TFDP2: variants seen among roughly 807,000 people sequenced by gnomAD.
TFDP2 encodes transcription factor Dp-2.
TFDP2 carries 17 observed loss-of-function variants against 59.3 expected under a neutral mutation model. The ratio of observed to expected loss-of-function variants is 0.29; its 90% confidence interval spans 0.20 to 0.43. The LOEUF (loss-of-function observed/expected upper bound fraction) is 0.43. TFDP2 is among the 20% of genes least tolerant of loss of function. The pLI is 1.00. For missense variants in TFDP2, 391 were observed against 528.8 expected, an observed-to-expected ratio of 0.74 and a Z score of 2.56; for synonymous variants, 180 against 194.7, an observed-to-expected ratio of 0.92 and a Z score of 0.63.
intron 9 of TFDP2, among the ~76,000 whole-genome samples, chr3:141,965,576 G>GAAGGGGAAGGA (rs1413202668): frequency 2.3e-4 from 32 of 138,212 alleles, no homozygotes; most frequent in African/African-American, 6.0e-4. Flanking sequence ...AGGGGAAGGG[G>GAAGGGGAAGGA]AAGGGGAAGG....
intron 1 of TFDP2, among the ~76,000 whole-genome samples, chr3:142,110,241 C>T (rs531184647): frequency 6.6e-6 from 1 of 152,096 alleles, no homozygotes; most frequent in Non-Finnish European, 1.5e-5. Context: ...CGGTGGCTCA[C>T]GTCTGTAATC....
intron 3 of TFDP2, among the ~76,000 whole-genome samples, chr3:142,065,431 C>T (rs1208301527): frequency 2.0e-5 from 3 of 151,658 alleles, no homozygotes; most frequent in African/African-American, 2.4e-5. Context: ...GCTGGAATTA[C>T]AGGCGTGTAA....
At chr3:141,987,900 C>G (rs1382665756) in intron 6 of TFDP2, among the ~76,000 whole-genome samples, 2 of 148,408 alleles carry the variant, frequency 1.3e-5, no homozygotes, top group African/African-American at 5.1e-5. Flanking sequence ...GATTGTGCCA[C>G]TGCACTCCAG....
At chr3:141,974,907 C>CTTTTTTTTTTTTTTTTTT (rs753702830) in intron 7 of TFDP2, among the ~76,000 whole-genome samples, 10 of 90,500 alleles carry the variant, frequency 1.1e-4, no homozygotes, top group East Asian at 3.2e-4. Context: ...TCTTCTTCTT[C>CTTTTTTTTTTTTTTTTTT]TTTTTTTTTT....
chr3:142,101,680 A>G (rs1016662607), intron 2 of TFDP2, 55 bp downstream of exon 2: 19 of 1,190,222 alleles, frequency 1.6e-5, no homozygotes, highest in Non-Finnish European at 2.1e-5. Flanking sequence ...ATATGTAGGA[A>G]AAAGCACAGC....
rs148720191 is a variant in TFDP2, at chr3:142,002,914, C to A, written c.186+2527G>T. On this transcript the variant is annotated intron_variant, in intron 4 of 12. Transcript: ENST00000489671. Reference sequence around the variant, plus strand: ...TCCAGGATCAAGACACCAGCAAATTCAGAAGGCTCACTCTCTGCTTCATAG... The same window carrying A: ...TCCAGGATCAAGACACCAGCAAATTAAGAAGGCTCACTCTCTGCTTCATAG... 2.6e-5 allele frequency among the ~76,000 whole-genome samples: 4 copies of A among 152,152 alleles called. No homozygotes were observed. In the East Asian group the frequency reaches 7.7e-4, roughly 29 times the overall value.
At chr3:142,041,927 TA>T (rs1399517589) in intron 3 of TFDP2, among the ~76,000 whole-genome samples, 1 of 152,226 alleles carries the variant, frequency 6.6e-6, no homozygotes, top group South Asian at 2.1e-4. Flanking sequence ...ATTCTTCCAT[TA>T]AACTGTCTTT....
intron 3 of TFDP2, among the ~76,000 whole-genome samples, chr3:142,051,914 C>T (rs896669536): frequency 5.9e-5 from 9 of 151,626 alleles, no homozygotes; most frequent in African/African-American, 2.2e-4. Context: ...TTGCTTGAGC[C>T]CAAGAGTTCG....
chr3:141,990,382 C>A (rs753806659), intron 6 of TFDP2, among the ~76,000 whole-genome samples: 1 of 151,976 alleles, frequency 6.6e-6, no homozygotes, highest in Non-Finnish European at 1.5e-5. Flanking sequence ...TCAAGCGATT[C>A]TCTTGCCTCA....
intron 6 of TFDP2, among the ~76,000 whole-genome samples, chr3:141,984,957 G>A (rs1041621871): frequency 2.6e-5 from 4 of 151,774 alleles, no homozygotes; most frequent in Non-Finnish European, 5.9e-5. Flanking sequence ...TCCTTGTGGA[G>A]CAGGACTACC....
In TFDP2 at chr3:141,947,921, C is replaced by G. The variant is rs532750780; in HGVS notation, c.*4592G>C. The G allele has an allele frequency of 2.0e-5, 3 of 152,460 alleles. No homozygotes were observed. In the East Asian group the frequency reaches 5.8e-4, roughly 29 times the overall value. 9.4% of individuals were successfully genotyped at this position (152,460 alleles called of 1,614,324 possible). A position where few individuals can be genotyped will look rare whatever the true frequency, so the allele number is the denominator to read the frequency against. ...CCAAAGTAGCCTTTCCCAAACGGTC[C>G]CGCTACGCTGCTGCTTTCTCCACAG... is the stretch of plus-strand genomic sequence containing the variant. On this transcript the variant is annotated 3_prime_UTR_variant, in exon 13 of 13. Transcript: ENST00000489671.
At chr3:142,047,149 T>C (rs937860766) in intron 3 of TFDP2, among the ~76,000 whole-genome samples, 2 of 152,202 alleles carry the variant, frequency 1.3e-5, no homozygotes, top group African/African-American at 2.4e-5. Context: ...AGACTTCCAA[T>C]AGATGTGAAG....
At chr3:142,035,040 G>A (rs965460149) in intron 3 of TFDP2, among the ~76,000 whole-genome samples, 1 of 152,088 alleles carries the variant, frequency 6.6e-6, no homozygotes, top group Non-Finnish European at 1.5e-5. Context: ...TTCCTTCTCT[G>A]TTTCCACCCC....
chr3:142,071,316 C>T (rs765794867), intron 3 of TFDP2, among the ~76,000 whole-genome samples: 3 of 152,022 alleles, frequency 2.0e-5, no homozygotes, highest in East Asian at 1.9e-4. Flanking sequence ...ACCACCGCAC[C>T]GGGCTGATTA....
intron 7 of TFDP2, 106 bp downstream of exon 7, chr3:141,978,414 G>A: frequency 4.3e-6 from 5 of 1,150,016 alleles, no homozygotes; most frequent in South Asian, 2.1e-5. Flanking sequence ...CAAAATAAAG[G>A]ATAAAACCCT....
rs538498273 is a variant in TFDP2, at chr3:142,031,024, G to A, written c.83-25480C>T. On this transcript the variant is annotated intron_variant, in intron 3 of 12. Coordinates refer to ENST00000489671, the MANE Select transcript of TFDP2 (RefSeq NM_001178139.2). ...CCCAAAGTGCTGGGATTACAGGCGT[G>A]AGCCACCGCGCCCGGCGTATTCCCG... 1.3e-4 allele frequency among the ~76,000 whole-genome samples: 20 copies of A among 152,098 alleles called. No individual in the cohort carries two copies. The East Asian group carries it at 2.1e-3, about 16-fold the overall frequency.
chr3:142,136,517 C>A (rs1015895381), intron 1 of TFDP2, among the ~76,000 whole-genome samples: 2 of 151,940 alleles, frequency 1.3e-5, no homozygotes, highest in African/African-American at 4.8e-5. Flanking sequence ...CTGAATGGTA[C>A]TGCCTAGGTT....
intron 3 of TFDP2, among the ~76,000 whole-genome samples, chr3:142,075,715 G>A (rs530973653): frequency 1.7e-4 from 23 of 139,254 alleles, no homozygotes; most frequent in African/African-American, 5.9e-4. Flanking sequence ...GGGCAATGTG[G>A]CAAAGCCCTG....
At chr3:142,056,590 C>T (rs1253322003) in intron 3 of TFDP2, among the ~76,000 whole-genome samples, 1 of 152,006 alleles carries the variant, frequency 6.6e-6, no homozygotes, top group Non-Finnish European at 1.5e-5. Flanking sequence ...TCTGGCAACC[C>T]TTGGTGGGAG....
Sources: gnomAD v4.1 joint callset for allele counts (sites outside exome capture counted in the v4.1 genomes callset) on GRCh38, gnomAD v4.1.1 for gene constraint, MANE v1.5 for transcripts, NCBI Gene and HGNC (gene_info 2026-07-23, HGNC 2026-07-21) for gene names.